Variants in HECTD3 observed in about 807,000 individuals in gnomAD.
HECTD3 encodes the protein E3 ubiquitin-protein ligase HECTD3.
A neutral mutation model predicts 109.3 loss-of-function variants in HECTD3; 72 were observed. The ratio of observed to expected loss-of-function variants is 0.66; its 90% CI spans 0.54 to 0.80. The LOEUF (loss-of-function observed/expected upper bound fraction) is 0.80. Ranked by LOEUF, HECTD3 falls within the 30% of genes least tolerant of loss-of-function variation. The pLI, the probability that HECTD3 is intolerant of heterozygous loss-of-function variation, is 0.00. For synonymous variants in HECTD3, 481 were observed against 471.8 expected, an observed-to-expected ratio of 1.02 and a Z score of -0.25; for missense variants, 1,041 against 1,165.2, an observed-to-expected ratio of 0.89 and a Z score of 1.55.
In HECTD3 at chr1:45,008,714, G is replaced by A. The variant is rs199887996; in HGVS notation, c.1073-13C>T. On this transcript the variant is annotated splice_polypyrimidine_tract_variant and intron_variant, in intron 7 of 20. Transcript: ENST00000372172. ...TCAATCCCATCATCTGGGGGAAGGGGTCAGAGTAAGGTCATTTACAGCACC... is the reference window on the plus strand; with the variant it reads ...TCAATCCCATCATCTGGGGGAAGGGATCAGAGTAAGGTCATTTACAGCACC... 9 of 1,611,692 alleles carry A rather than the reference G, an allele frequency of 5.6e-6. No individual in the cohort carries two copies. Among genetic ancestry groups the A allele is most frequent in the South Asian group, 2.2e-5 (2 of 91,018 alleles).
chr1:45,009,495 A>G lies in HECTD3; in HGVS notation c.876-13T>C. 1 of 1,611,014 alleles carries G rather than the reference A, an allele frequency of 6.2e-7. No homozygotes were observed. Among genetic ancestry groups the G allele is most frequent in the Non-Finnish European group, 8.5e-7 (1 of 1,177,286 alleles). On this transcript the variant is annotated splice_polypyrimidine_tract_variant and intron_variant, in intron 5 of 20. Transcript: ENST00000372172. Reference sequence around the variant, plus strand: ...GAGTAGCAGCTTCCTGAAGGGTCAGAGTGTGAATATGAGTCTTTGTGAACC... The same window carrying G: ...GAGTAGCAGCTTCCTGAAGGGTCAGGGTGTGAATATGAGTCTTTGTGAACC...
intron 2 of HECTD3, 21 bp from the exon 3 acceptor site, chr1:45,010,314 G>T (rs749246596): frequency 6.2e-7 from 1 of 1,607,536 alleles, no homozygotes; most frequent in African/African-American, 1.3e-5. Flanking sequence ...AGAGTAGGGA[G>T]TGGGATGGGG....
In HECTD3 at chr1:45,010,688, G is replaced by C. The variant is rs996128762; in HGVS notation, c.388C>G (p.Leu130Val). 1.3e-6 allele frequency: 2 copies of C among 1,563,192 alleles called. No homozygotes were observed. The highest frequency in any genetic ancestry group is 2.7e-5 in the African/African-American group (2 of 74,120). ...KLTKEQLAEH[L>V]GDCGLQEGWL... ...CCTTCCTGCAGCCCGCAGTCGCCCA[G>C]GTGCTCTGCCAGCTGCTCCTGCCGG... is the stretch of plus-strand genomic sequence containing the variant. The change falls in exon 2 of 21, where the codon CTG (leucine) becomes GTG (valine). Residue 130 changes from leucine to valine, a missense_variant. Around this residue, in one of 2 missense-constraint regions of HECTD3, gnomAD observed 472 missense variants for 449.9 expected, o/e 1.05. Transcript: ENST00000372172.
At position 45,010,921 on chromosome 1, in the gene HECTD3, T is replaced by G; in HGVS notation, c.337A>C (p.Asn113His). ...AGCTTCACCCAGAGCCCGTGGCCAT[T>G]GCACAGCTCCTCGCCCGTGGTGCGC... ...CVRTTGEELC[N>H]GHGLWVKLTK... Residue 113 changes from asparagine (N) to histidine (H), a missense_variant, in exon 1 of 21, where the codon AAT becomes CAT. Physicochemically the swap from Asn to His is moderately conservative, Grantham distance 68. Coordinates refer to ENST00000372172, the MANE Select transcript of HECTD3 (RefSeq NM_024602.6). The G allele has an allele frequency of 6.5e-7, 1 of 1,547,680 alleles. No individual in the cohort carries two copies. Among genetic ancestry groups the G allele is most frequent in the Non-Finnish European group, 8.6e-7 (1 of 1,158,848 alleles).
intron 2 of HECTD3, 83 bp downstream of exon 2, chr1:45,010,463 C>T: frequency 6.4e-7 from 1 of 1,568,880 alleles, no homozygotes; most frequent in Non-Finnish European, 8.7e-7. Context: ...GTATCCCACC[C>T]ACCCCAGGCT....
chr1:45,010,022 C>T lies in HECTD3; in HGVS notation c.723G>A (p.Lys241=), dbSNP rs749699018. 1.3e-6 allele frequency: 2 copies of T among 1,554,994 alleles called. No homozygotes were observed. Among genetic ancestry groups the T allele is most frequent in the South Asian group, 2.5e-5 (2 of 81,346 alleles). The change falls in exon 4 of 21, where the codon AAG becomes AAA. Residue 241 remains lysine (K), a synonymous_variant. Coordinates refer to ENST00000372172, the MANE Select transcript of HECTD3 (RefSeq NM_024602.6). ...AAACGTCTATGCTCTCCACATACTG[C>T]TTCACGCTACCCAGGTTCTCATCCT... ...GKEDENLGSV[K]QYVESIDVSS...
At chr1:45,007,367 G>A (rs1644745422) in intron 10 of HECTD3, 46 bp downstream of exon 10, 2 of 1,609,504 alleles carry the variant, frequency 1.2e-6, no homozygotes. Flanking sequence ...TAGCCCCCTT[G>A]GCCCTTGACT....
In HECTD3 at chr1:45,005,748, C is replaced by T. The variant is rs530278460; in HGVS notation, c.1935+46G>A. On this transcript the variant is annotated intron_variant, in intron 15 of 20. Coordinates refer to ENST00000372172, the MANE Select transcript of HECTD3 (RefSeq NM_024602.6). ...CAGAACAGCCTTAGGGAGGACCAAC[C>T]TTTAGGGGCTGGGCAGAGGAAACAC... 13 of 1,509,286 alleles carry T rather than the reference C, an allele frequency of 8.6e-6. No homozygotes were observed. In the South Asian group the frequency reaches 1.0e-4, roughly 12 times the overall value. 93.5% of individuals were successfully genotyped at this position (1,509,286 alleles called of 1,614,324 possible). A position where few individuals can be genotyped will look rare whatever the true frequency, so the allele number is the denominator to read the frequency against.
At position 45,010,267 on chromosome 1, in the gene HECTD3, TA is replaced by T; in HGVS notation, c.556del (p.Tyr186ThrfsTer37). 1 of 1,613,866 alleles carries T rather than the reference TA, an allele frequency of 6.2e-7. No homozygotes were observed. The highest frequency in any genetic ancestry group is 1.1e-5 in the South Asian group (1 of 91,070). On this transcript the variant is annotated frameshift_variant, in exon 3 of 21. Coordinates refer to ENST00000372172, the MANE Select transcript of HECTD3 (RefSeq NM_024602.6). LOFTEE classifies it high-confidence loss of function. ...LRWEQVVDLT[Y>X]SHRLGSRPQP... Reference sequence around the variant, plus strand: ...AGGTCTCGATCCCAGGCGATGTGAGTATGTCAGGTCCACCACCTGTTCCCAC... The same window carrying T: ...AGGTCTCGATCCCAGGCGATGTGAGTTGTCAGGTCCACCACCTGTTCCCAC...
At position 45,008,643 on chromosome 1, in the gene HECTD3, T is replaced by G. The variant is rs774981068; in HGVS notation, c.1131A>C (p.Glu377Asp). 6.2e-7 allele frequency: 1 copy of G among 1,613,986 alleles called. No homozygotes were observed. The highest frequency in any genetic ancestry group is 8.5e-7 in the Non-Finnish European group (1 of 1,179,974). The part of the protein sequence containing the change: ...GVKIKSSRQR[E>D]LGLNADLFQP... The stretch of plus-strand genomic sequence containing the variant: ...GGAACAGGTCTGCATTCAACCCTAG[T>G]TCCCGCTGTCTAGATGACTTGATCT... Residue 377 changes from glutamate (E) to aspartate (D), a missense_variant, in exon 8 of 21, where the codon GAA becomes GAC. Around this residue, in one of 2 missense-constraint regions of HECTD3, gnomAD observed 569 missense variants for 715.3 expected, o/e 0.80. Transcript: ENST00000372172.
At chr1:45,009,269 A>C in intron 6 of HECTD3, 43 bp from the exon 7 acceptor site, 1 of 1,559,016 alleles carries the variant, frequency 6.4e-7, no homozygotes, top group Non-Finnish European at 8.8e-7. Flanking sequence ...CTCCTGCCTC[A>C]GGCCTTCAGA....
In HECTD3 at chr1:45,010,996, G is replaced by T. The variant is rs745444966; in HGVS notation, c.262C>A (p.Pro88Thr). 6.8e-7 allele frequency: 1 copy of T among 1,468,152 alleles called. No homozygotes were observed. The highest frequency in any genetic ancestry group is 1.4e-5 in the South Asian group (1 of 73,198). The allele number at this position is 1,468,152 out of a possible 1,614,324, so 90.9% of individuals were successfully genotyped here. A position where few individuals can be genotyped will look rare whatever the true frequency, so the allele number is the denominator to read the frequency against. The change falls in exon 1 of 21, where the codon CCC (proline) becomes ACC (threonine). Residue 88 changes from proline to threonine, a missense_variant. Physicochemically the swap from Pro to Thr is conservative, Grantham distance 38. This residue lies in a region of HECTD3 where 472 missense variants were observed against 449.9 expected (regional missense o/e 1.05). Coordinates refer to ENST00000372172, the MANE Select transcript of HECTD3 (RefSeq NM_024602.6). ...ATGCTGTCGCGGGCGGCGCGGAGGG[G>T]CCCGGAGCCGGTACCGGGGGCTGGG... is the stretch of plus-strand genomic sequence containing the variant. The part of the protein sequence containing the change: ...AGPAPGTGSG[P>T]LRAARDSIEL...
rs1237352655 is a variant in HECTD3, at chr1:45,011,277, G to C, written c.-20C>G. 3.0e-6 allele frequency: 4 copies of C among 1,350,882 alleles called. No homozygotes were observed. Among genetic ancestry groups the C allele is most frequent in the Non-Finnish European group, 3.8e-6 (4 of 1,056,766 alleles). The allele number at this position is 1,350,882 out of a possible 1,614,324, so 83.7% of individuals were successfully genotyped here. A position where few individuals can be genotyped will look rare whatever the true frequency, so the allele number is the denominator to read the frequency against. On this transcript the variant is annotated 5_prime_UTR_variant, in exon 1 of 21. Transcript: ENST00000372172. ...CGCCATGGCGAAGTGGCGGAGGTGAGCACCTAGAGGCGACCCTGCCCGGGG... is the reference window on the plus strand; with the variant it reads ...CGCCATGGCGAAGTGGCGGAGGTGACCACCTAGAGGCGACCCTGCCCGGGG...
At chr1:45,009,869 G>T in intron 4 of HECTD3, 117 bp downstream of exon 4, 1 of 1,300,704 alleles carries the variant, frequency 7.7e-7, no homozygotes, top group Non-Finnish European at 1.1e-6. Flanking sequence ...GCTGAACTGA[G>T]TGTGGCCTGT....
chr1:45,005,321 T>G, intron 15 of HECTD3: 1 of 208,322 alleles, frequency 4.8e-6, no homozygotes, highest in African/African-American at 2.3e-5. Flanking sequence ...AGTAAGTGAT[T>G]AGCTAAGGAG....
At chr1:45,007,678 T>A in intron 9 of HECTD3, 83 bp from the exon 10 acceptor site, 1 of 1,157,682 alleles carries the variant, frequency 8.6e-7, no homozygotes, top group Non-Finnish European at 1.2e-6. Flanking sequence ...TCTGCCTGTA[T>A]CCAATTCCAC....
chr1:45,005,278 G>A (rs924661842), intron 15 of HECTD3: 7 of 221,896 alleles, frequency 3.2e-5, no homozygotes, highest in East Asian at 1.1e-4. Flanking sequence ...GAGACCAAAC[G>A]GGTAAGAACG....
chr1:45,007,442 G>T lies in HECTD3; in HGVS notation c.1474C>A (p.Pro492Thr). The T allele has an allele frequency of 6.2e-7, 1 of 1,614,176 alleles. No individual in the cohort carries two copies. The highest frequency in any genetic ancestry group is 8.5e-7 in the Non-Finnish European group (1 of 1,180,034). Reference sequence around the variant, plus strand: ...GTGAAGACTGCATTCTTGCAGGCAGGGTCTCGAGAGGGGCAGGCACGGTGT... The same window carrying T: ...GTGAAGACTGCATTCTTGCAGGCAGTGTCTCGAGAGGGGCAGGCACGGTGT... The part of the protein sequence containing the change: ...MEHRACPSRD[P>T]ACKNAVFTQV... The change falls in exon 10 of 21, where the codon CCT becomes ACT. Residue 492 changes from proline to threonine, a missense_variant. Around this residue, in one of 2 missense-constraint regions of HECTD3, gnomAD observed 569 missense variants for 715.3 expected, o/e 0.80. Transcript: ENST00000372172.
chr1:45,006,218 A>C lies in HECTD3; in HGVS notation c.1726-102T>G. The C allele has an allele frequency of 1.4e-6, 2 of 1,475,046 alleles. No individual in the cohort carries two copies. Among genetic ancestry groups the C allele is most frequent in the Non-Finnish European group, 1.9e-6 (2 of 1,075,820 alleles). 91.4% of individuals were successfully genotyped at this position (1,475,046 alleles called of 1,614,324 possible). On this transcript the variant is annotated intron_variant, in intron 13 of 20. Transcript: ENST00000372172. This position sits in a 1 kb window ranked among gnomAD's most constrained non-coding sequence, Gnocchi z 4.7. ...TTCCACTGGGAACATTTTCCACTAA[A>C]TGATCCCTTCAAATGCACAGTGGCT...
Sources: gnomAD v4.1 joint callset for allele counts on GRCh38, gnomAD v4.1.1 for gene constraint, gnomAD v4.1.1 regional missense constraint, Gnocchi (gnomAD v3.1) non-coding constraint, MANE v1.5 for transcripts, NCBI Gene and HGNC (gene_info 2026-07-23, HGNC 2026-07-21) for gene names.